Variants in CNTN6 observed in about 807,000 individuals in gnomAD.
CNTN6 encodes the protein contactin 6.
Under a neutral mutation model 122.8 loss-of-function variants are expected in CNTN6, and 137 were observed. That is an observed-to-expected ratio of 1.12 (90% CI 0.97 to 1.29). The LOEUF (loss-of-function observed/expected upper bound fraction) is 1.29, where lower values mean the gene tolerates loss of function less well. Among genes scored for constraint, CNTN6 ranks in the 50% most tolerant of loss-of-function variants. The pLI, the probability that CNTN6 is intolerant of heterozygous loss-of-function variation, is 0.00. For synonymous variants in CNTN6, 570 were observed against 426.0 expected (o/e 1.34, Z -4.16); for missense variants, 1,634 against 1,223.4 (o/e 1.34, Z -5.01).
intron 10 of CNTN6, 39 bp from the exon 11 acceptor site, chr3:1,329,746 T>A (rs890623783): frequency 2.4e-5 from 38 of 1,578,356 alleles, no homozygotes; most frequent in Non-Finnish European, 3.2e-5. Flanking sequence ...ACATGTTAAC[T>A]GAGTAATTAA....
intron 2 of CNTN6, among the ~76,000 whole-genome samples, chr3:1,168,016 A>C (rs73105155): frequency 0.018 from 2,662 of 152,056 alleles, 70 homozygotes; most frequent in African/African-American, 0.059. Flanking sequence ...AAGCACTTCT[A>C]CTTCCCTCAG....
chr3:1,114,314 C>T (rs1417939030), intron 1 of CNTN6, among the ~76,000 whole-genome samples: 3 of 152,116 alleles, frequency 2.0e-5, no homozygotes, highest in African/African-American at 4.8e-5. Flanking sequence ...CTTGAATGCA[C>T]GTTGTCATTA....
At chr3:1,158,868 A>ATATATGTGTGTGTATATATATG in intron 2 of CNTN6, among the ~76,000 whole-genome samples, 3 of 41,106 alleles carry the variant, frequency 7.3e-5, no homozygotes, top group African/African-American at 2.5e-4. Flanking sequence ...ATATACACAC[A>ATATATGTGTGTGTATATATATG]TATATATACA....
At chr3:1,318,118 AAG>A (rs911544708) in intron 7 of CNTN6, among the ~76,000 whole-genome samples, 7 of 151,394 alleles carry the variant, frequency 4.6e-5, no homozygotes, top group African/African-American at 1.7e-4. Context: ...AGAAAGAAAG[AAG>A]AGAGAGAAAG....
chr3:1,360,281 G>C (rs947699475), intron 12 of CNTN6, among the ~76,000 whole-genome samples: 1 of 151,938 alleles, frequency 6.6e-6, no homozygotes, highest in African/African-American at 2.4e-5. Context: ...TTTCCCTCTT[G>C]TTCTCTAGAA....
At chr3:1,142,789 C>T (rs1456285865) in intron 1 of CNTN6, among the ~76,000 whole-genome samples, 2 of 151,776 alleles carry the variant, frequency 1.3e-5, no homozygotes, top group Admixed American at 6.6e-5. Context: ...GGTCAGCAGG[C>T]TATGGTTTCC....
chr3:1,105,473 A>G (rs1284636594), intron 1 of CNTN6, among the ~76,000 whole-genome samples: 3 of 152,140 alleles, frequency 2.0e-5, no homozygotes, highest in African/African-American at 7.2e-5. Context: ...ATTACATTTT[A>G]AGTGTGAAAC....
intron 7 of CNTN6, among the ~76,000 whole-genome samples, chr3:1,309,843 A>T (rs1698957340): frequency 6.6e-6 from 1 of 152,128 alleles, no homozygotes; most frequent in South Asian, 2.1e-4. Flanking sequence ...GTAAATTCTG[A>T]AATACTATTT....
intron 4 of CNTN6, among the ~76,000 whole-genome samples, chr3:1,255,392 G>C (rs1050405990): frequency 1.1e-4 from 16 of 150,078 alleles, no homozygotes; most frequent in Non-Finnish European, 5.9e-5. Context: ...AAATTGGAAG[G>C]GGCTACGTAA....
At position 1,321,648 on chromosome 3, in the gene CNTN6, A is replaced by T; in HGVS notation, c.762-2A>T. On this transcript the variant is annotated splice_acceptor_variant, in intron 7 of 22. Coordinates refer to ENST00000446702, the MANE Select transcript of CNTN6 (RefSeq NM_001289080.2). LOFTEE classifies it high-confidence loss of function. The stretch of plus-strand genomic sequence containing the variant: ...CTATTCTAATGAGGTGTAACTGTTT[A>T]GTCCAGTCCCCGATATTAGTTGGAG... The T allele has an allele frequency of 3.1e-6, 5 of 1,609,192 alleles. No individual in the cohort carries two copies. The highest frequency in any genetic ancestry group is 3.4e-6 in the Non-Finnish European group (4 of 1,177,422).
At position 1,300,131 on chromosome 3, in the gene CNTN6, C is replaced by T. The variant is rs562091147; in HGVS notation, c.761+2140C>T. 3.9e-5 allele frequency among the ~76,000 whole-genome samples: 6 copies of T among 152,112 alleles called. No individual in the cohort carries two copies. In the East Asian group the frequency reaches 1.2e-3, roughly 29 times the overall value. On this transcript the variant is annotated intron_variant, in intron 7 of 22. Coordinates refer to ENST00000446702, the MANE Select transcript of CNTN6 (RefSeq NM_001289080.2). Reference sequence around the variant, plus strand: ...AGCTGGGACTACAGGTGCCCGCCACCACGCTAAGCTAATTGTAATTTTTTT... The same window carrying T: ...AGCTGGGACTACAGGTGCCCGCCACTACGCTAAGCTAATTGTAATTTTTTT...
At chr3:1,338,987 A>G (rs1195081758) in intron 11 of CNTN6, among the ~76,000 whole-genome samples, 1 of 152,142 alleles carries the variant, frequency 6.6e-6, no homozygotes, top group East Asian at 1.9e-4. Context: ...CAGTAGAAGA[A>G]ATAAAAGCTG....
intron 12 of CNTN6, among the ~76,000 whole-genome samples, chr3:1,359,705 G>A (rs904993408): frequency 6.6e-6 from 1 of 151,912 alleles, no homozygotes; most frequent in Admixed American, 6.6e-5. Flanking sequence ...CTTACGGATT[G>A]TATTTGCAAA....
chr3:1,320,913 T>C (rs1310214450), intron 7 of CNTN6, among the ~76,000 whole-genome samples: 1 of 151,664 alleles, frequency 6.6e-6, no homozygotes, highest in Non-Finnish European at 1.5e-5. Flanking sequence ...TATGAGAAAG[T>C]AGACGAAATT....
intron 4 of CNTN6, among the ~76,000 whole-genome samples, chr3:1,233,026 T>A (rs1020597186): frequency 1.3e-5 from 2 of 152,216 alleles, no homozygotes; most frequent in African/African-American, 4.8e-5. Flanking sequence ...CAGAAATGAC[T>A]GGTTTTCTAG....
chr3:1,281,091 C>T (rs752150425), intron 5 of CNTN6, among the ~76,000 whole-genome samples: 1 of 152,184 alleles, frequency 6.6e-6, no homozygotes, highest in Non-Finnish European at 1.5e-5. Context: ...CCTGTGCCAT[C>T]TAATCTTATC....
chr3:1,160,344 G>GTATGTATA (rs1158623079), intron 2 of CNTN6, among the ~76,000 whole-genome samples: 1 of 111,114 alleles, frequency 9.0e-6, no homozygotes, highest in Non-Finnish European at 1.8e-5. Context: ...TACTTTTACT[G>GTATGTATA]TATATATATA....
intron 4 of CNTN6, among the ~76,000 whole-genome samples, chr3:1,258,356 A>G (rs2094792878): frequency 6.6e-6 from 1 of 152,128 alleles, no homozygotes; most frequent in South Asian, 2.1e-4. Flanking sequence ...TTAGTGAGCA[A>G]GACAAAAGAT....
At chr3:1,286,363 G>A (rs1215509558) in intron 5 of CNTN6, among the ~76,000 whole-genome samples, 1 of 151,978 alleles carries the variant, frequency 6.6e-6, no homozygotes, top group Admixed American at 6.6e-5. Flanking sequence ...CCAACCCCCA[G>A]TAGGCCCCAG....
Sources: gnomAD v4.1 joint callset for allele counts (sites outside exome capture counted in the v4.1 genomes callset) on GRCh38, gnomAD v4.1.1 for gene constraint, MANE v1.5 for transcripts, NCBI Gene and HGNC (gene_info 2026-07-23, HGNC 2026-07-21) for gene names.